PTPRO: variants seen among roughly 807,000 people sequenced by gnomAD.
PTPRO encodes the protein protein tyrosine phosphatase receptor type O, also known as receptor-type tyrosine-protein phosphatase O.
A neutral mutation model predicts 145.2 loss-of-function variants in PTPRO; 62 were observed. The ratio of observed to expected loss-of-function variants is 0.43; its 90% CI spans 0.35 to 0.53. PTPRO has a LOEUF of 0.53. Ranked by LOEUF, PTPRO falls within the 20% of genes least tolerant of loss-of-function variation. The pLI is 0.01. For synonymous variants in PTPRO, 565 were observed against 514.7 expected, an observed-to-expected ratio of 1.10 and a Z score of -1.32; for missense variants, 1,345 against 1,482.7, an observed-to-expected ratio of 0.91 and a Z score of 1.53.
At chr12:15,548,538 G>GTC (rs1458862714) in intron 13 of PTPRO, among the ~76,000 whole-genome samples, 1 of 151,678 alleles carries the variant, frequency 6.6e-6, no homozygotes, top group African/African-American at 2.4e-5. Flanking sequence ...ATGTGTGTGT[G>GTC]TGTGTGTGTG....
chr12:15,523,298 G>C (rs1942766393), intron 10 of PTPRO, among the ~76,000 whole-genome samples: 1 of 152,152 alleles, frequency 6.6e-6, no homozygotes, highest in Non-Finnish European at 1.5e-5. Flanking sequence ...TCTCAGAATG[G>C]AACACCGACT....
rs2135687202 is a variant in PTPRO, at chr12:15,596,671, T to C, written c.*598T>C. ...GGAGGTTGGTCAGGGAAGAGAGGGG[T>C]TCTACCCACAGATCAACTGTGTAAT... is the stretch of plus-strand genomic sequence containing the variant. On this transcript the variant is annotated 3_prime_UTR_variant, in exon 27 of 27. Transcript: ENST00000281171. 6.6e-6 allele frequency: 1 copy of C among 152,170 alleles called. No homozygotes were observed. The highest frequency in any genetic ancestry group is 6.5e-5 in the Admixed American group (1 of 15,274). The allele number at this position is 152,170 out of a possible 1,614,324, so 9.4% of individuals were successfully genotyped here.
chr12:15,422,261 G>GT (rs771575593), intron 1 of PTPRO, among the ~76,000 whole-genome samples: 66 of 152,222 alleles, frequency 4.3e-4, no homozygotes, highest in Admixed American at 7.2e-4. Flanking sequence ...TTTTAACCAG[G>GT]TTTTCTTGTT....
intron 1 of PTPRO, among the ~76,000 whole-genome samples, chr12:15,369,521 T>G (rs1332985537): frequency 2.0e-5 from 3 of 152,178 alleles, no homozygotes; most frequent in African/African-American, 7.2e-5. Flanking sequence ...AAATAATTGA[T>G]GGGCCATTAA....
At chr12:15,381,848 T>G (rs1472955886) in intron 1 of PTPRO, among the ~76,000 whole-genome samples, 2 of 152,246 alleles carry the variant, frequency 1.3e-5, no homozygotes, top group Non-Finnish European at 1.5e-5. Flanking sequence ...GAAAAATGTT[T>G]TTCCGTATTT....
chr12:15,483,790 C>G (rs1421286135), intron 1 of PTPRO, among the ~76,000 whole-genome samples, 184 bp from the exon 2 acceptor site: 1 of 152,058 alleles, frequency 6.6e-6, no homozygotes, highest in Non-Finnish European at 1.5e-5. Flanking sequence ...GAAGGATAAT[C>G]TCTTTCTGAT....
chr12:15,417,735 ACTAAAGGAATGAT>A (rs967967124), intron 1 of PTPRO, among the ~76,000 whole-genome samples: 1 of 151,780 alleles, frequency 6.6e-6, no homozygotes, highest in Admixed American at 6.5e-5. Flanking sequence ...AACCAGTGTG[ACTAAAGGAATGAT>A]CTCAGTGTTG....
chr12:15,551,508 T>C (rs1353461176), intron 14 of PTPRO, 43 bp from the exon 15 acceptor site: 2 of 1,607,878 alleles, frequency 1.2e-6, no homozygotes, highest in Non-Finnish European at 1.7e-6. Context: ...TTTGGTTCCC[T>C]GTAAGAGAAC....
intron 10 of PTPRO, 84 bp from the exon 11 acceptor site, chr12:15,524,730 T>C (rs1363345664): frequency 2.8e-6 from 4 of 1,437,442 alleles, no homozygotes; most frequent in Non-Finnish European, 3.9e-6. Context: ...CTAAGTTGAC[T>C]CTATATGGGA....
chr12:15,435,561 T>TC (rs1424247518), intron 1 of PTPRO, among the ~76,000 whole-genome samples: 1 of 152,032 alleles, frequency 6.6e-6, no homozygotes, highest in Non-Finnish European at 1.5e-5. Context: ...AAAGCACCTT[T>TC]TTTTTTTTCT....
intron 12 of PTPRO, among the ~76,000 whole-genome samples, chr12:15,527,352 A>G (rs891101508): frequency 6.6e-6 from 1 of 152,252 alleles, no homozygotes; most frequent in Non-Finnish European, 1.5e-5. Context: ...GAGGTAGTCA[A>G]CTAGTTTCCC....
At chr12:15,543,384 T>C (rs1943217244) in intron 12 of PTPRO, among the ~76,000 whole-genome samples, 1 of 152,202 alleles carries the variant, frequency 6.6e-6, no homozygotes, top group Non-Finnish European at 1.5e-5. Context: ...CTCACTGCAG[T>C]ATTCATGTCG....
intron 16 of PTPRO, among the ~76,000 whole-genome samples, chr12:15,558,117 A>G (rs938825667): frequency 6.6e-6 from 1 of 151,924 alleles, no homozygotes. Context: ...AGATATTTGT[A>G]GAGATGAGGT....
At chr12:15,498,093 A>C (rs772607670) in intron 3 of PTPRO, among the ~76,000 whole-genome samples, 6 of 152,082 alleles carry the variant, frequency 3.9e-5, no homozygotes, top group Admixed American at 1.3e-4. Context: ...GGTGGGAGGT[A>C]GGTAATGATA....
At chr12:15,381,283 T>C (rs545590021) in intron 1 of PTPRO, among the ~76,000 whole-genome samples, 1 of 152,340 alleles carries the variant, frequency 6.6e-6, no homozygotes, top group South Asian at 2.1e-4. Context: ...GTGGGATAGA[T>C]AGGATATGTT....
chr12:15,534,591 C>A (rs1237014909), intron 12 of PTPRO, among the ~76,000 whole-genome samples: 1 of 152,072 alleles, frequency 6.6e-6, no homozygotes, highest in Non-Finnish European at 1.5e-5. Context: ...TCAAAGCTTT[C>A]TTTGAGGAAG....
chr12:15,526,288 G>A, intron 12 of PTPRO, 26 bp downstream of exon 12: 1 of 1,612,498 alleles, frequency 6.2e-7, no homozygotes, highest in Non-Finnish European at 8.5e-7. Flanking sequence ...AGAGATGGGT[G>A]TGAAATAATC....
chr12:15,376,254 TGATTTCTCATCAGAAATCAGG>T (rs1938683785), intron 1 of PTPRO, among the ~76,000 whole-genome samples: 1 of 152,174 alleles, frequency 6.6e-6, no homozygotes, highest in African/African-American at 2.4e-5. Flanking sequence ...GATTAATGGC[TGATTTCTCATCAGAAATCAGG>T]GAGGCAAAAA....
intron 1 of PTPRO, among the ~76,000 whole-genome samples, chr12:15,472,974 A>T (rs757586170): frequency 1.3e-5 from 2 of 152,204 alleles, no homozygotes; most frequent in African/African-American, 2.4e-5. Flanking sequence ...GGCCTGGCTT[A>T]GTCCACATGA....
Sources: gnomAD v4.1 joint callset for allele counts (sites outside exome capture counted in the v4.1 genomes callset) on GRCh38, gnomAD v4.1.1 for gene constraint, MANE v1.5 for transcripts, NCBI Gene and HGNC (gene_info 2026-07-23, HGNC 2026-07-21) for gene names.